TSC22D1: variants seen among roughly 807,000 people sequenced by gnomAD.
The protein encoded by TSC22D1 is TSC22 domain family member 1, also known as TSC22 domain family protein 1.
TSC22D1 carries 9 observed loss-of-function variants against 74.2 expected under a neutral mutation model. The ratio of observed to expected loss-of-function variants is 0.12; its 90% confidence interval spans 0.07 to 0.21. TSC22D1 has a LOEUF of 0.21. Among genes scored for constraint, TSC22D1 ranks in the 10% least tolerant of loss-of-function variants. TSC22D1 has a pLI of 1.00. For missense variants in TSC22D1, 1,427 were observed against 1,304.7 expected (o/e 1.09, Z -1.44); for synonymous variants, 586 against 492.5 (o/e 1.19, Z -2.51).
intron 1 of TSC22D1, among the ~76,000 whole-genome samples, chr13:44,442,267 G>T (rs1354259051): frequency 1.3e-5 from 2 of 152,080 alleles, no homozygotes; most frequent in Non-Finnish European, 2.9e-5. Context: ...ACAATGTCTG[G>T]CATCCAATAA....
intron 1 of TSC22D1, among the ~76,000 whole-genome samples, chr13:44,509,950 C>CAAAAAAAAAAAAAAAAAAAAAATAA: frequency 3.9e-5 from 2 of 51,426 alleles, no homozygotes; most frequent in African/African-American, 1.5e-4. Flanking sequence ...AGAAAATAAG[C>CAAAAAAAAAAAAAAAAAAAAAATAA]AAAAAAAAAA....
At chr13:44,459,942 C>T (rs1876908047) in intron 1 of TSC22D1, among the ~76,000 whole-genome samples, 1 of 152,132 alleles carries the variant, frequency 6.6e-6, no homozygotes, top group South Asian at 2.1e-4. Flanking sequence ...GGATCCAGGA[C>T]AGTAGCACAA....
intron 1 of TSC22D1, chr13:44,539,295 T>C: frequency 3.0e-6 from 3 of 985,374 alleles, no homozygotes; most frequent in Non-Finnish European, 3.6e-6. Context: ...AAAGATCTAA[T>C]ATGAAGTCCT....
At chr13:44,522,289 G>A (rs1201406597) in intron 1 of TSC22D1, among the ~76,000 whole-genome samples, 1 of 152,144 alleles carries the variant, frequency 6.6e-6, no homozygotes, top group Non-Finnish European at 1.5e-5. Flanking sequence ...GGTAGGGCCT[G>A]ATCATTTAGG....
Position 44,432,242 on chromosome 13 carries a change from C to T in TSC22D1, c.*2384G>A, listed in dbSNP as rs771221634. ...TTTTTAATAAAAAGACCCAAAGTTC[C>T]ATTAAATAATGGAGAAAAAAACTTC... On this transcript the variant is annotated 3_prime_UTR_variant, in exon 3 of 3. Transcript: ENST00000458659. The T allele has an allele frequency of 6.6e-6, 1 of 151,608 alleles. No homozygotes were observed. The highest frequency in any genetic ancestry group is 1.5e-5 in the Non-Finnish European group (1 of 67,920). The allele number at this position is 151,608 out of a possible 1,614,324, so 9.4% of individuals were successfully genotyped here.
chr13:44,458,194 T>C (rs1876781971), intron 1 of TSC22D1, among the ~76,000 whole-genome samples: 1 of 152,214 alleles, frequency 6.6e-6, no homozygotes, highest in African/African-American at 2.4e-5. Flanking sequence ...CCTTTTCCTT[T>C]TTAATTCCAA....
At chr13:44,446,213 CTGAA>C (rs1875628946) in intron 1 of TSC22D1, among the ~76,000 whole-genome samples, 1 of 152,138 alleles carries the variant, frequency 6.6e-6, no homozygotes, top group South Asian at 2.1e-4. Context: ...ACATAACAAC[CTGAA>C]TGAATCTCAA....
intron 1 of TSC22D1, among the ~76,000 whole-genome samples, chr13:44,550,304 C>T (rs565693852): frequency 6.6e-5 from 10 of 152,152 alleles, no homozygotes; most frequent in Admixed American, 2.0e-4. Flanking sequence ...ATAAAGCAGC[C>T]GGGCACGGTG....
chr13:44,459,342 A>G (rs1876867190), intron 1 of TSC22D1, among the ~76,000 whole-genome samples: 1 of 152,102 alleles, frequency 6.6e-6, no homozygotes, highest in Non-Finnish European at 1.5e-5. Context: ...CTGCCTGTGG[A>G]AAGGAGCTAC....
At chr13:44,529,484 T>C (rs561779438) in intron 1 of TSC22D1, among the ~76,000 whole-genome samples, 1 of 152,146 alleles carries the variant, frequency 6.6e-6, no homozygotes, top group South Asian at 2.1e-4. Flanking sequence ...TGTTGAGAAA[T>C]GTCTTTCTTG....
In TSC22D1 at chr13:44,433,864, A is replaced by G; in HGVS notation, c.*762T>C. On this transcript the variant is annotated 3_prime_UTR_variant, in exon 3 of 3. Coordinates refer to ENST00000458659, the MANE Select transcript of TSC22D1 (RefSeq NM_183422.4). ...TAGCAGTTTTTATGTAGATCTATAT[A>G]TAAAAGTCCACACCTCCTCAGACAG... is the stretch of plus-strand genomic sequence containing the variant. The G allele has an allele frequency of 3.1e-6, 3 of 976,474 alleles. No homozygotes were observed. Among genetic ancestry groups the G allele is most frequent in the East Asian group, 3.0e-5 (1 of 32,986 alleles). The allele number at this position is 976,474 out of a possible 1,614,324, so 60.5% of individuals were successfully genotyped here. A position where few individuals can be genotyped will look rare whatever the true frequency, so the allele number is the denominator to read the frequency against.
chr13:44,570,543 A>C (rs1461873226), intron 1 of TSC22D1, among the ~76,000 whole-genome samples: 1 of 152,106 alleles, frequency 6.6e-6, no homozygotes, highest in Non-Finnish European at 1.5e-5. Flanking sequence ...CAAGATACAT[A>C]ATCTTAGCAT....
At chr13:44,446,790 G>GGAGGAA (rs1555263833) in intron 1 of TSC22D1, among the ~76,000 whole-genome samples, 1 of 64,382 alleles carries the variant, frequency 1.6e-5, no homozygotes, top group African/African-American at 4.6e-5. Context: ...AAGAAGAGGA[G>GGAGGAA]GAGGAGGAGG....
At chr13:44,469,575 T>C (rs916973633) in intron 1 of TSC22D1, among the ~76,000 whole-genome samples, 2 of 152,196 alleles carry the variant, frequency 1.3e-5, no homozygotes, top group African/African-American at 4.8e-5. Context: ...TCAAAAACTC[T>C]GCCCCAAAGC....
At chr13:44,576,401 C>G (rs1472824660), upstream of TSC22D1, 4 of 258,752 alleles carry the variant, frequency 1.5e-5, no homozygotes, top group Non-Finnish European at 2.9e-5. Context: ...AGGGGGAGAG[C>G]GCAGGAAGGG....
intron 1 of TSC22D1, chr13:44,538,274 T>C: frequency 1.0e-6 from 1 of 985,358 alleles, no homozygotes; most frequent in Non-Finnish European, 1.2e-6. Flanking sequence ...TCTACTTCTC[T>C]ATTAGAAACT....
chr13:44,562,322 T>A (rs576700543), intron 1 of TSC22D1, among the ~76,000 whole-genome samples: 1 of 152,308 alleles, frequency 6.6e-6, no homozygotes, highest in South Asian at 2.1e-4. Flanking sequence ...ACTACAGGCA[T>A]GAGCCACCAA....
rs200171782 is a variant in TSC22D1, at chr13:44,544,529, AT to A, written c.2912+28633del. 5.4e-5 allele frequency among the ~76,000 whole-genome samples: 8 copies of A among 149,502 alleles called. No individual in the cohort carries two copies. In the East Asian group the frequency reaches 5.9e-4, roughly 11 times the overall value. On this transcript the variant is annotated intron_variant, in intron 1 of 2. Coordinates refer to ENST00000458659, the MANE Select transcript of TSC22D1 (RefSeq NM_183422.4). ...TGAGCAAAGTTGTGTGTTAAAAAGA[AT>A]TTTTTTTTTAATTAAAAAAAAAAAA...
intron 1 of TSC22D1, among the ~76,000 whole-genome samples, chr13:44,519,059 A>AT (rs927457758): frequency 6.6e-6 from 1 of 152,190 alleles, no homozygotes; most frequent in African/African-American, 2.4e-5. Context: ...ACCGGTCTAA[A>AT]TTTTTTTTCT....
Sources: gnomAD v4.1 joint callset for allele counts (sites outside exome capture counted in the v4.1 genomes callset) on GRCh38, gnomAD v4.1.1 for gene constraint, MANE v1.5 for transcripts, NCBI Gene and HGNC (gene_info 2026-07-23, HGNC 2026-07-21) for gene names.